Variants in SASH3 observed in about 807,000 individuals in gnomAD.
SASH3 encodes SAM and SH3 domain containing 3.
Under a neutral mutation model 26.1 loss-of-function variants are expected in SASH3, and 7 were observed. The observed-to-expected ratio is 0.27, with a 90% CI of 0.15 to 0.50. SASH3 has a LOEUF of 0.50. Among genes scored for constraint, SASH3 ranks in the 20% least tolerant of loss-of-function variants. The probability of loss-of-function intolerance (pLI) is 0.98; values close to 1 mark genes in which losing one functional copy is unlikely to be tolerated. For missense variants in SASH3, 231 were observed against 318.3 expected, an observed-to-expected ratio of 0.73 and a Z score of 2.09; for synonymous variants, 138 against 136.8, an observed-to-expected ratio of 1.01 and a Z score of -0.06.
intron 2 of SASH3, 67 bp downstream of exon 2, chrX:129,788,137 G>GTTGGT: frequency 2.8e-6 from 1 of 354,277 alleles, no homozygotes; most frequent in Non-Finnish European, 5.4e-6. Context: ...GGGTGGGAGG[G>GTTGGT]AAGAGGGTGA....
chrX:129,786,327 C>T (rs1927105420), intron 1 of SASH3, among the ~76,000 whole-genome samples: 1 of 112,062 alleles, frequency 8.9e-6, no homozygotes, highest in Non-Finnish European at 1.9e-5. Context: ...TACTAAACTG[C>T]TACACTGCAG....
At position 129,794,070 on chromosome X, in the gene SASH3, G is replaced by C; in HGVS notation, c.*238G>C. ...TGCCTGAGCCCCGCCCTCCACCAGC[G>C]ACTGACAGCGCAGCCCCTCCTGGCA... is the stretch of plus-strand genomic sequence containing the variant. On this transcript the variant is annotated 3_prime_UTR_variant, in exon 8 of 8. Transcript: ENST00000356892. The C allele has an allele frequency of 2.6e-6, 1 of 390,541 alleles. No individual in the cohort carries two copies. The highest frequency in any genetic ancestry group is 4.5e-6 in the Non-Finnish European group (1 of 223,506). 32.2% of individuals were successfully genotyped at this position (390,541 alleles called of 1,213,427 possible).
intron 2 of SASH3, 54 bp downstream of exon 2, chrX:129,788,124 T>TGGGGGGGGGGG: frequency 1.4e-5 from 2 of 146,455 alleles, no homozygotes; most frequent in Non-Finnish European, 1.4e-5. Flanking sequence ...GGCAGGGGGG[T>TGGGGGGGGGGG]GGGGGTGGGA....
rs754439092 is a variant in SASH3 at position 129,785,825 on chromosome X, A to G, written c.58-2150A>G. On this transcript the variant is annotated intron_variant, in intron 1 of 7. Coordinates refer to ENST00000356892, the MANE Select transcript of SASH3 (RefSeq NM_018990.4). ...CAATAGGCCCCATCGGCCTATAAAT[A>G]GCAGCCCAGCCTGCCCTCCTTGGGC... 9.8e-5 allele frequency among the ~76,000 whole-genome samples: 11 copies of G among 112,145 alleles called. No individual in the cohort carries two copies. The South Asian group carries it at 4.0e-3, about 41-fold the overall frequency.
chrX:129,793,949 C>G lies in SASH3; in HGVS notation c.*117C>G. The stretch of plus-strand genomic sequence containing the variant: ...TGGCACTGAGCCTGGCCCTGCTTCC[C>G]CAGGGACACTTAGGGCCACAGAGGC... On this transcript the variant is annotated 3_prime_UTR_variant, in exon 8 of 8. Transcript: ENST00000356892. 1.4e-6 allele frequency: 1 copy of G among 726,122 alleles called. No individual in the cohort carries two copies. Among genetic ancestry groups the G allele is most frequent in the Non-Finnish European group, 2.0e-6 (1 of 501,166 alleles). 59.8% of individuals were successfully genotyped at this position (726,122 alleles called of 1,213,427 possible). A position where few individuals can be genotyped will look rare whatever the true frequency, so the allele number is the denominator to read the frequency against.
rs1360708786 is a variant in SASH3 at position 129,793,847 on chromosome X, T to C, written c.*15T>C. 5 of 1,164,541 alleles carry C rather than the reference T, an allele frequency of 4.3e-6. No individual in the cohort carries two copies. The highest frequency in any genetic ancestry group is 5.1e-5 in the Admixed American group (2 of 39,327). On this transcript the variant is annotated 3_prime_UTR_variant, in exon 8 of 8. Transcript: ENST00000356892. ...GGGCACCTTGAGGTGGCGGTGGCAATAGGCCAAGGCTGGGACCCAGCTGCA... is the reference window on the plus strand; with the variant it reads ...GGGCACCTTGAGGTGGCGGTGGCAACAGGCCAAGGCTGGGACCCAGCTGCA...
In SASH3 at chrX:129,792,386, C is replaced by G. The variant is rs746065981; in HGVS notation, c.501C>G (p.Ala167=). ...GSGSFGEEPP[A]PQYTGPFCGR... ...GCAGCTTCGGGGAGGAACCACCTGC[C>G]CCCCAGTACACAGGGCCTTTCTGTG... is the stretch of plus-strand genomic sequence containing the variant. The change falls in exon 5 of 8, where the codon GCC becomes GCG. Residue 167 remains alanine (A), a synonymous_variant. Coordinates refer to ENST00000356892, the MANE Select transcript of SASH3 (RefSeq NM_018990.4). 1 of 1,211,419 alleles carries G rather than the reference C, an allele frequency of 8.3e-7. No homozygotes were observed. Among genetic ancestry groups the G allele is most frequent in the Admixed American group, 2.2e-5 (1 of 46,015 alleles).
At position 129,794,153 on chromosome X, in the gene SASH3, C is replaced by T; in HGVS notation, c.*321C>T. On this transcript the variant is annotated 3_prime_UTR_variant, in exon 8 of 8. Transcript: ENST00000356892. ...GCAAGTGGGGCACTGGGAAACCCTG[C>T]CCATGTCCCTCACCAACAAGGCCTC... The T allele has an allele frequency of 3.3e-6, 1 of 306,386 alleles. No homozygotes were observed. Among genetic ancestry groups the T allele is most frequent in the Middle Eastern group, 9.3e-4 (1 of 1,073 alleles). The allele number at this position is 306,386 out of a possible 1,213,427, so 25.2% of individuals were successfully genotyped here.
intron 2 of SASH3, 67 bp downstream of exon 2, chrX:129,788,137 G>GC: frequency 2.5e-5 from 9 of 354,235 alleles, no homozygotes; most frequent in South Asian, 6.2e-5. Context: ...GGGTGGGAGG[G>GC]AAGAGGGTGA....
intron 1 of SASH3, among the ~76,000 whole-genome samples, chrX:129,782,394 A>G (rs962998636): frequency 8.9e-6 from 1 of 112,283 alleles, no homozygotes; most frequent in African/African-American, 3.2e-5. Flanking sequence ...CACAAGACTT[A>G]ATAGTACTAA....
In SASH3 at chrX:129,794,085, C is replaced by A; in HGVS notation, c.*253C>A. 1 of 378,635 alleles carries A rather than the reference C, an allele frequency of 2.6e-6. No individual in the cohort carries two copies. The allele number at this position is 378,635 out of a possible 1,213,427, so 31.2% of individuals were successfully genotyped here. On this transcript the variant is annotated 3_prime_UTR_variant, in exon 8 of 8. Coordinates refer to ENST00000356892, the MANE Select transcript of SASH3 (RefSeq NM_018990.4). The stretch of plus-strand genomic sequence containing the variant: ...CTCCACCAGCGACTGACAGCGCAGC[C>A]CCTCCTGGCACCAACTGCTCCCCTG...
intron 1 of SASH3, among the ~76,000 whole-genome samples, chrX:129,784,712 C>T (rs754244686): frequency 2.0e-3 from 218 of 111,298 alleles, no homozygotes; most frequent in African/African-American, 6.8e-3. Flanking sequence ...GATAACTTGC[C>T]GGAGGTCACA....
chrX:129,786,103 C>T (rs1927101940), intron 1 of SASH3, among the ~76,000 whole-genome samples: 2 of 111,011 alleles, frequency 1.8e-5, no homozygotes, highest in African/African-American at 6.6e-5. Context: ...CCCACACCCA[C>T]CTATGGCCCC....
chrX:129,788,512 G>T lies in SASH3; in HGVS notation c.235G>T (p.Val79Leu). Residue 79 changes from valine to leucine, a missense_variant, in exon 3 of 8, where the codon GTG becomes TTG. Coordinates refer to ENST00000356892, the MANE Select transcript of SASH3 (RefSeq NM_018990.4). ...AAAGCTGGGGAAGAAGTGGAGGGCAGTGATTTCCCGAACCATGAACAGGAA... is the reference window on the plus strand; with the variant it reads ...AAAGCTGGGGAAGAAGTGGAGGGCATTGATTTCCCGAACCATGAACAGGAA... Reference protein sequence around the residue: ...GKKLGKKWRAVISRTMNRKMG... With the variant: ...GKKLGKKWRALISRTMNRKMG... The T allele has an allele frequency of 1.7e-6, 2 of 1,211,904 alleles. No individual in the cohort carries two copies. The highest frequency in any genetic ancestry group is 2.2e-6 in the Non-Finnish European group (2 of 895,445).
intron 3 of SASH3, among the ~76,000 whole-genome samples, chrX:129,789,303 G>A (rs1927187730): frequency 9.1e-6 from 1 of 109,985 alleles, no homozygotes; most frequent in Non-Finnish European, 1.9e-5. Flanking sequence ...ACTTCCCCGG[G>A]ATTGGGAAGG....
At chrX:129,784,117 G>A (rs920062180) in intron 1 of SASH3, among the ~76,000 whole-genome samples, 7 of 109,552 alleles carry the variant, frequency 6.4e-5, no homozygotes, top group Non-Finnish European at 9.5e-5. Flanking sequence ...CAGGGCAACC[G>A]CTATCCTGAC....
intron 3 of SASH3, among the ~76,000 whole-genome samples, chrX:129,788,999 G>A (rs760789881): frequency 2.2e-4 from 24 of 108,488 alleles, no homozygotes; most frequent in African/African-American, 7.8e-4. Flanking sequence ...GCTACTCAGA[G>A]ACTGAGGCAG....
chrX:129,782,809 G>A, intron 1 of SASH3, among the ~76,000 whole-genome samples: 1 of 112,083 alleles, frequency 8.9e-6, no homozygotes, highest in Non-Finnish European at 1.9e-5. Flanking sequence ...TAGAATGGTA[G>A]GGCTAGGACA....
At chrX:129,781,462 A>T (rs704869) in intron 1 of SASH3, among the ~76,000 whole-genome samples, 3 of 110,624 alleles carry the variant, frequency 2.7e-5, no homozygotes, top group African/African-American at 9.9e-5. Flanking sequence ...GCCCAGCAGG[A>T]CTGCCATTGG....
Sources: allele counts gnomAD v4.1 joint callset (sites outside exome capture counted in the v4.1 genomes callset), GRCh38; gene constraint gnomAD v4.1.1; transcripts MANE v1.5; gene names NCBI Gene and HGNC (gene_info 2026-07-23, HGNC 2026-07-21).